Variants in GABARAPL1 observed in about 807,000 individuals in gnomAD.
GABARAPL1 encodes the protein GABA type A receptor associated protein like 1, also known as gamma-aminobutyric acid receptor-associated protein-like 1.
Under a neutral mutation model 14.5 loss-of-function variants are expected in GABARAPL1, and 4 were observed. The ratio of observed to expected loss-of-function variants is 0.28; its 90% CI spans 0.14 to 0.63. GABARAPL1 has a LOEUF of 0.63. Ranked by LOEUF, GABARAPL1 falls within the 30% of genes least tolerant of loss-of-function variation. GABARAPL1 has a pLI of 0.84. For synonymous variants in GABARAPL1, 47 were observed against 50.6 expected (o/e 0.93, Z 0.30); for missense variants, 82 against 139.2 (o/e 0.59, Z 2.07).
intron 1 of GABARAPL1, among the ~76,000 whole-genome samples, chr12:10,216,376 A>T (rs114729246): frequency 0.011 from 1,626 of 152,066 alleles, 35 homozygotes; most frequent in African/African-American, 0.037. Context: ...GACCTCAAAA[A>T]AAAAAGTTAC....
At position 10,221,866 on chromosome 12, in the gene GABARAPL1, C is replaced by A. The variant is rs1426817431; in HGVS notation, c.*14C>A. ...TATGGGAAATGAGTGGTTGGAAGCC[C>A]AGCAGATGGGAGCACCTGGACTTGG... On this transcript the variant is annotated 3_prime_UTR_variant, in exon 4 of 4. Coordinates refer to ENST00000266458, the MANE Select transcript of GABARAPL1 (RefSeq NM_031412.4). 15 of 1,613,340 alleles carry A rather than the reference C, an allele frequency of 9.3e-6. No individual in the cohort carries two copies. Among genetic ancestry groups the A allele is most frequent in the Non-Finnish European group, 1.2e-5 (14 of 1,179,598 alleles).
intron 1 of GABARAPL1, among the ~76,000 whole-genome samples, chr12:10,214,992 A>C (rs992929358): frequency 6.6e-6 from 1 of 152,224 alleles, no homozygotes; most frequent in Admixed American, 6.5e-5. Flanking sequence ...TTAAGCCATT[A>C]AGCCTGTCAC....
At position 10,212,981 on chromosome 12, in the gene GABARAPL1, T is replaced by G; in HGVS notation, c.-149T>G. ...CGAGATCCCCGCCCCGAACCCCCCC[T>G]GCACACTCGGCCCAGCGCTGTTGCC... is the stretch of plus-strand genomic sequence containing the variant. On this transcript the variant is annotated 5_prime_UTR_variant, in exon 1 of 4. Coordinates refer to ENST00000266458, the MANE Select transcript of GABARAPL1 (RefSeq NM_031412.4). 8.5e-6 allele frequency: 4 copies of G among 471,484 alleles called. No individual in the cohort carries two copies. The highest frequency in any genetic ancestry group is 4.2e-6 in the Non-Finnish European group (1 of 237,854). The allele number at this position is 471,484 out of a possible 1,614,324, so 29.2% of individuals were successfully genotyped here.
intron 3 of GABARAPL1, 102 bp from the exon 4 acceptor site, chr12:10,221,685 T>G (rs1949120882): frequency 1.5e-6 from 2 of 1,328,704 alleles, no homozygotes; most frequent in African/African-American, 2.9e-5. Flanking sequence ...TGGGGACTAA[T>G]GATACCTTCC....
intron 3 of GABARAPL1, 130 bp downstream of exon 3, chr12:10,220,688 AC>A (rs752089606): frequency 6.5e-7 from 1 of 1,550,200 alleles, no homozygotes; most frequent in Non-Finnish European, 8.7e-7. Flanking sequence ...GGATCCTCTT[AC>A]ATATGGCAGT....
chr12:10,213,023 C>G lies in GABARAPL1; in HGVS notation c.-107C>G, dbSNP rs1325279638. The G allele has an allele frequency of 7.8e-6, 5 of 639,092 alleles. No homozygotes were observed. Among genetic ancestry groups the G allele is most frequent in the Non-Finnish European group, 1.4e-5 (5 of 351,044 alleles). 39.6% of individuals were successfully genotyped at this position (639,092 alleles called of 1,614,324 possible). A position where few individuals can be genotyped will look rare whatever the true frequency, so the allele number is the denominator to read the frequency against. Reference sequence around the variant, plus strand: ...GCTGTTGCCCCCGGAGCGGACGTTTCTGCAGCTATTCTGAGCACACCTTGA... The same window carrying G: ...GCTGTTGCCCCCGGAGCGGACGTTTGTGCAGCTATTCTGAGCACACCTTGA... On this transcript the variant is annotated 5_prime_UTR_variant, in exon 1 of 4. Coordinates refer to ENST00000266458, the MANE Select transcript of GABARAPL1 (RefSeq NM_031412.4).
Position 10,222,036 on chromosome 12 carries a change from T to G in GABARAPL1, c.*184T>G. On this transcript the variant is annotated 3_prime_UTR_variant, in exon 4 of 4. Coordinates refer to ENST00000266458, the MANE Select transcript of GABARAPL1 (RefSeq NM_031412.4). ...ATGCTCAATTGATATTTTTTGCTGC[T>G]TCCTCGGCCCAGGGAGAAAGCATGT... The G allele has an allele frequency of 1.3e-5, 8 of 596,348 alleles. No homozygotes were observed. Among genetic ancestry groups the G allele is most frequent in the Non-Finnish European group, 2.1e-5 (7 of 330,914 alleles). The allele number at this position is 596,348 out of a possible 1,614,324, so 36.9% of individuals were successfully genotyped here. A position where few individuals can be genotyped will look rare whatever the true frequency, so the allele number is the denominator to read the frequency against.
At chr12:10,213,948 C>A in intron 1 of GABARAPL1, 1 of 448,020 alleles carries the variant, frequency 2.2e-6, no homozygotes, top group Non-Finnish European at 4.5e-6. Context: ...TGGACACCGG[C>A]TTAAGTAGTT....
chr12:10,216,537 CTTTTTTTTTTT>C (rs71049067), intron 1 of GABARAPL1, among the ~76,000 whole-genome samples: 61 of 112,220 alleles, frequency 5.4e-4, no homozygotes, highest in Admixed American at 4.6e-3. Context: ...ATTTTCTTTT[CTTTTTTTTTTT>C]TTTTTTTTGA....
Position 10,212,916 on chromosome 12 carries a change from T to C in GABARAPL1, c.-214T>C. ...AGCTCTAGCGAAAAGCCGCCGGTATTTCTCCATCTGGCTCTCCTCTACCTC... is the reference window on the plus strand; with the variant it reads ...AGCTCTAGCGAAAAGCCGCCGGTATCTCTCCATCTGGCTCTCCTCTACCTC... On this transcript the variant is annotated 5_prime_UTR_variant, in exon 1 of 4. Coordinates refer to ENST00000266458, the MANE Select transcript of GABARAPL1 (RefSeq NM_031412.4). 2.0e-6 allele frequency: 1 copy of C among 505,670 alleles called. No individual in the cohort carries two copies. The highest frequency in any genetic ancestry group is 3.6e-6 in the Non-Finnish European group (1 of 280,446). The allele number at this position is 505,670 out of a possible 1,614,324, so 31.3% of individuals were successfully genotyped here.
At chr12:10,218,276 A>G in intron 2 of GABARAPL1, 135 bp downstream of exon 2, 1 of 692,368 alleles carries the variant, frequency 1.4e-6, no homozygotes, top group Admixed American at 2.2e-5. Flanking sequence ...GAGTTATCTG[A>G]TTAAAAAATG....
chr12:10,216,244 G>A (rs73058093), intron 1 of GABARAPL1, among the ~76,000 whole-genome samples: 12,488 of 151,760 alleles, frequency 0.082, 658 homozygotes, highest in East Asian at 0.22. Context: ...GGTGGCATGC[G>A]CCTGTAATCC....
At chr12:10,213,493 C>G in intron 1 of GABARAPL1, 1 of 440,872 alleles carries the variant, frequency 2.3e-6, no homozygotes, top group Non-Finnish European at 4.3e-6. Flanking sequence ...AACCCACACA[C>G]GGTCTCAGCA....
chr12:10,213,993 G>C (rs1401318300), intron 1 of GABARAPL1: 1 of 388,086 alleles, frequency 2.6e-6, no homozygotes, highest in Non-Finnish European at 5.3e-6. Flanking sequence ...GAACAGAAAA[G>C]TATTAGGTAT....
Position 10,221,925 on chromosome 12 carries a change from G to A in GABARAPL1, c.*73G>A, listed in dbSNP as rs1949121957. The A allele has an allele frequency of 7.2e-7, 1 of 1,382,396 alleles. No individual in the cohort carries two copies. Among genetic ancestry groups the A allele is most frequent in the African/African-American group, 1.4e-5 (1 of 70,500 alleles). 85.6% of individuals were successfully genotyped at this position (1,382,396 alleles called of 1,614,324 possible). A position where few individuals can be genotyped will look rare whatever the true frequency, so the allele number is the denominator to read the frequency against. On this transcript the variant is annotated 3_prime_UTR_variant, in exon 4 of 4. Transcript: ENST00000266458. ...GAGGGGTGTGTGTGCGCGACATGGGGAAAGAGGGTGGCTCCCACCGCAAGG... is the reference window on the plus strand; with the variant it reads ...GAGGGGTGTGTGTGCGCGACATGGGAAAAGAGGGTGGCTCCCACCGCAAGG...
intron 1 of GABARAPL1, 24 bp downstream of exon 1, chr12:10,213,243 A>T (rs778577890): frequency 1.3e-4 from 90 of 705,952 alleles, no homozygotes; most frequent in South Asian, 7.0e-4. Flanking sequence ...AGCGGAGGGG[A>T]TGGGAGGGGA....
At chr12:10,218,855 C>T (rs1167442280) in intron 2 of GABARAPL1, among the ~76,000 whole-genome samples, 1 of 151,584 alleles carries the variant, frequency 6.6e-6, no homozygotes, top group Non-Finnish European at 1.5e-5. Flanking sequence ...ATTGCAGGCA[C>T]CTGCCACCAT....
At chr12:10,216,776 A>G (rs556083711) in intron 1 of GABARAPL1, among the ~76,000 whole-genome samples, 1 of 152,008 alleles carries the variant, frequency 6.6e-6, no homozygotes, top group Non-Finnish European at 1.5e-5. Context: ...CCGACCTCAG[A>G]TGATCCGCCC....
chr12:10,216,818 G>T (rs1444317365), intron 1 of GABARAPL1, among the ~76,000 whole-genome samples: 5 of 152,072 alleles, frequency 3.3e-5, no homozygotes, highest in Non-Finnish European at 7.4e-5. Flanking sequence ...GGGATTACAG[G>T]CATGAGCCAT....
Sources: allele counts gnomAD v4.1 joint callset (sites outside exome capture counted in the v4.1 genomes callset), GRCh38; gene constraint gnomAD v4.1.1; transcripts MANE v1.5; gene names NCBI Gene and HGNC (gene_info 2026-07-23, HGNC 2026-07-21).